SHLD2: variants seen among roughly 807,000 people sequenced by gnomAD.
The protein encoded by SHLD2 is shieldin complex subunit 2.
In SHLD2, 30 loss-of-function variants were observed where a neutral mutation model predicts 73.2. The ratio of observed to expected loss-of-function variants is 0.41; its 90% CI spans 0.31 to 0.56. The LOEUF (loss-of-function observed/expected upper bound fraction) is 0.56. SHLD2 is among the 20% of genes least tolerant of loss of function. SHLD2 has a pLI of 0.28. For synonymous variants in SHLD2, 285 were observed against 370.1 expected, an observed-to-expected ratio of 0.77 and a Z score of 2.64; for missense variants, 745 against 1,055.9, an observed-to-expected ratio of 0.71 and a Z score of 4.08.
chr10:87,165,260 G>A (rs1380818584), intron 4 of SHLD2, among the ~76,000 whole-genome samples: 1 of 151,890 alleles, frequency 6.6e-6, no homozygotes, highest in Non-Finnish European at 1.5e-5. Flanking sequence ...AATAAATACT[G>A]CACTGACACA....
rs923261027 is a variant in SHLD2, at chr10:87,170,978, A to C, written c.1963+4A>C. The C allele has an allele frequency of 3.4e-5, 46 of 1,372,898 alleles. No homozygotes were observed. Among genetic ancestry groups the C allele is most frequent in the Non-Finnish European group, 4.6e-5 (45 of 974,264 alleles). The allele number at this position is 1,372,898 out of a possible 1,614,324, so 85.0% of individuals were successfully genotyped here. Reference sequence around the variant, plus strand: ...CCTCAACTTCAAAGGAAAAAAGGTAAATACACCAAAAAGCATTTAACCTAT... The same window carrying C: ...CCTCAACTTCAAAGGAAAAAAGGTACATACACCAAAAAGCATTTAACCTAT... On this transcript the variant is annotated splice_donor_region_variant and intron_variant, in intron 6 of 9. Transcript: ENST00000298786.
intron 4 of SHLD2, among the ~76,000 whole-genome samples, chr10:87,163,209 C>T (rs2134452401): frequency 6.6e-6 from 1 of 152,020 alleles, no homozygotes; most frequent in East Asian, 1.9e-4. Context: ...CATAAACCCC[C>T]CAAAACTGTA....
At chr10:87,098,792 T>A (rs1842076333) in intron 2 of SHLD2, among the ~76,000 whole-genome samples, 2 of 152,240 alleles carry the variant, frequency 1.3e-5, no homozygotes, top group African/African-American at 4.8e-5. Context: ...TTTTTATTTT[T>A]CGAGACAGGG....
intron 1 of SHLD2, among the ~76,000 whole-genome samples, chr10:87,095,488 CGG>C (rs1841773162): frequency 6.6e-6 from 1 of 152,094 alleles, no homozygotes; most frequent in Admixed American, 6.5e-5. Context: ...AGGCCGGGGC[CGG>C]GCGTGCAGGG....
At chr10:87,157,490 C>G (rs1323626036) in intron 3 of SHLD2, among the ~76,000 whole-genome samples, 2 of 152,174 alleles carry the variant, frequency 1.3e-5, no homozygotes, top group Non-Finnish European at 2.9e-5. Flanking sequence ...CTCTATCCGT[C>G]TTAGATATAC....
intron 2 of SHLD2, among the ~76,000 whole-genome samples, chr10:87,112,614 G>A (rs1842999116): frequency 6.6e-6 from 1 of 151,768 alleles, no homozygotes; most frequent in African/African-American, 2.4e-5. Context: ...CAGCCTGGGC[G>A]GCAGAGCAAG....
At chr10:87,147,870 C>CT (rs1187680597) in intron 2 of SHLD2, among the ~76,000 whole-genome samples, 250 of 143,632 alleles carry the variant, frequency 1.7e-3, no homozygotes, top group Middle Eastern at 7.3e-3. Context: ...GCTCCTATCA[C>CT]TTTTTTTTTT....
Position 87,129,263 on chromosome 10 carries a change from G to A in SHLD2, c.-5-22087G>A, listed in dbSNP as rs148494113. On this transcript the variant is annotated intron_variant, in intron 2 of 9. Transcript: ENST00000298786. ...ACCACCACGACTGGCTAATTTTTTT[G>A]TATTTTTAGTAGGGACGGGGTTTCA... 9.7e-3 allele frequency among the ~76,000 whole-genome samples: 1,479 copies of A among 152,146 alleles called. 18 individuals are homozygous for A. Among genetic ancestry groups the A allele is most frequent in the African/African-American group, 0.031 (1,301 of 41,482 alleles).
chr10:87,149,096 C>T (rs972094140), intron 2 of SHLD2, among the ~76,000 whole-genome samples: 2 of 151,618 alleles, frequency 1.3e-5, no homozygotes, highest in Non-Finnish European at 2.9e-5. Flanking sequence ...CCATGTTGGC[C>T]AGGCTGGTCT....
intron 6 of SHLD2, among the ~76,000 whole-genome samples, chr10:87,174,587 C>A (rs927370111): frequency 2.0e-5 from 3 of 147,364 alleles, no homozygotes; most frequent in African/African-American, 7.5e-5. Flanking sequence ...AAAAAAAAAT[C>A]TCTAGTGAAA....
intron 8 of SHLD2, 144 bp downstream of exon 8, chr10:87,180,447 A>T: frequency 9.2e-7 from 1 of 1,082,990 alleles, no homozygotes; most frequent in Non-Finnish European, 1.3e-6. Flanking sequence ...ATAGCTATTT[A>T]TGGAAGCAAA....
At chr10:87,109,698 C>T (rs1447676884) in intron 2 of SHLD2, among the ~76,000 whole-genome samples, 3 of 152,310 alleles carry the variant, frequency 2.0e-5, no homozygotes, top group South Asian at 2.1e-4. Flanking sequence ...ACTCTTCCCC[C>T]AAGTTTTTAT....
At chr10:87,106,576 A>G (rs889614719) in intron 2 of SHLD2, among the ~76,000 whole-genome samples, 1 of 152,132 alleles carries the variant, frequency 6.6e-6, no homozygotes, top group African/African-American at 2.4e-5. Flanking sequence ...ACAGCTTTTT[A>G]CTATTGACAG....
At chr10:87,109,793 A>G (rs1040268775) in intron 2 of SHLD2, among the ~76,000 whole-genome samples, 1 of 152,172 alleles carries the variant, frequency 6.6e-6, no homozygotes, top group African/African-American at 2.4e-5. Flanking sequence ...AAATTCTGCC[A>G]TGAAAGTTTT....
chr10:87,132,295 C>G (rs1000971930), intron 2 of SHLD2, among the ~76,000 whole-genome samples: 1 of 152,114 alleles, frequency 6.6e-6, no homozygotes, highest in Non-Finnish European at 1.5e-5. Context: ...GTGCTCTCCT[C>G]TCCCCCAGTA....
At chr10:87,159,466 C>CA (rs1054723609) in intron 4 of SHLD2, among the ~76,000 whole-genome samples, 21 of 151,290 alleles carry the variant, frequency 1.4e-4, no homozygotes, top group Middle Eastern at 3.4e-3. Context: ...GAAGACAGAC[C>CA]AAAAAAAATG....
intron 3 of SHLD2, among the ~76,000 whole-genome samples, chr10:87,155,328 A>G (rs6586061): frequency 0.17 from 25,614 of 151,450 alleles, 2,323 homozygotes; most frequent in African/African-American, 0.22. Context: ...AATATTATTT[A>G]TATGTGATTA....
At chr10:87,144,616 A>ATTTTTTTTTTTT (rs548218721) in intron 2 of SHLD2, among the ~76,000 whole-genome samples, 3 of 89,498 alleles carry the variant, frequency 3.4e-5, no homozygotes, top group Admixed American at 2.7e-4. Context: ...GCATTTACTA[A>ATTTTTTTTTTTT]TTTTTTTTTT....
At chr10:87,108,102 T>C (rs1180793957) in intron 2 of SHLD2, among the ~76,000 whole-genome samples, 1 of 151,990 alleles carries the variant, frequency 6.6e-6, no homozygotes, top group African/African-American at 2.4e-5. Context: ...TATCCAGGAG[T>C]GCAATGGCGT....
Sources: gnomAD v4.1 joint callset for allele counts (sites outside exome capture counted in the v4.1 genomes callset) on GRCh38, gnomAD v4.1.1 for gene constraint, MANE v1.5 for transcripts, NCBI Gene and HGNC (gene_info 2026-07-23, HGNC 2026-07-21) for gene names.